Variants in ZC3H3 observed in about 807,000 individuals in gnomAD.
The protein encoded by ZC3H3 is zinc finger CCCH domain-containing protein 3.
Under a neutral mutation model 77.3 loss-of-function variants are expected in ZC3H3, and 36 were observed. The ratio of observed to expected loss-of-function variants is 0.47; its 90% CI spans 0.36 to 0.61. ZC3H3 has a LOEUF of 0.61. Among genes scored for constraint, ZC3H3 ranks in the 20% least tolerant of loss-of-function variants. The probability of loss-of-function intolerance (pLI) is 0.00; values close to 1 mark genes in which losing one functional copy is unlikely to be tolerated. For synonymous variants in ZC3H3, 626 were observed against 555.2 expected (o/e 1.13, Z -1.79); for missense variants, 1,331 against 1,312.2 (o/e 1.01, Z -0.22).
intron 4 of ZC3H3, among the ~76,000 whole-genome samples, chr8:143,502,056 C>T (rs579135): frequency 1.3e-5 from 2 of 152,350 alleles, no homozygotes; most frequent in South Asian, 4.1e-4. Context: ...GCACTCACCA[C>T]GCTCTCCCTG....
rs1166477752 is a variant in ZC3H3 at position 143,462,921 on chromosome 8, A to AGGG, written c.2307+2793_2307+2795dup. ...GTCCTAAACACACCCAGAAGGAACC[A>AGGG]GGGCGCCCTGCAGGAGCAGCTGTCC... On this transcript the variant is annotated intron_variant, in intron 9 of 11. Coordinates refer to ENST00000262577, the MANE Select transcript of ZC3H3 (RefSeq NM_015117.3). This position sits in a 1 kb window ranked among gnomAD's most constrained non-coding sequence, Gnocchi z 4.7. Among the ~76,000 whole-genome samples the AGGG allele has an allele frequency of 3.3e-5, 5 of 151,330 alleles. No individual in the cohort carries two copies. Among genetic ancestry groups the AGGG allele is most frequent in the African/African-American group, 1.2e-4 (5 of 41,148 alleles).
intron 5 of ZC3H3, among the ~76,000 whole-genome samples, chr8:143,469,781 A>G (rs1211388215): frequency 6.6e-6 from 1 of 152,196 alleles, no homozygotes; most frequent in African/African-American, 2.4e-5. Context: ...CGGGGTGGGC[A>G]GGGCAGGACC....
intron 3 of ZC3H3, among the ~76,000 whole-genome samples, 170 bp downstream of exon 3, chr8:143,536,087 G>A (rs1340075736): frequency 6.6e-6 from 1 of 152,202 alleles, no homozygotes; most frequent in Non-Finnish European, 1.5e-5. Context: ...GCAGCATCCG[G>A]GCCCTATCCT....
At chr8:143,439,240 T>C (rs890509798) in intron 11 of ZC3H3, among the ~76,000 whole-genome samples, 1 of 152,026 alleles carries the variant, frequency 6.6e-6, no homozygotes, top group Non-Finnish European at 1.5e-5. Context: ...TCCACGCCCC[T>C]GACGTGGAGG....
At chr8:143,534,905 C>T (rs1256934445) in intron 3 of ZC3H3, among the ~76,000 whole-genome samples, 1 of 152,106 alleles carries the variant, frequency 6.6e-6, no homozygotes, top group Non-Finnish European at 1.5e-5. Flanking sequence ...CAACACCCGG[C>T]TGCATCGCCC....
At chr8:143,440,679 G>A (rs1285516575) in intron 10 of ZC3H3, among the ~76,000 whole-genome samples, 1 of 152,206 alleles carries the variant, frequency 6.6e-6, no homozygotes, top group South Asian at 2.1e-4. Context: ...CTCCCACCCG[G>A]TCCCAGTGAG....
intron 10 of ZC3H3, 56 bp downstream of exon 10, chr8:143,440,880 C>T (rs533961953): frequency 7.4e-6 from 10 of 1,352,424 alleles, no homozygotes; most frequent in African/African-American, 3.0e-5. Flanking sequence ...GGGCATCTCC[C>T]CAGACAGGGA....
Position 143,437,987 on chromosome 8 carries a change from G to A in ZC3H3, c.*69C>T. The A allele has an allele frequency of 6.4e-7, 1 of 1,567,146 alleles. No homozygotes were observed. The highest frequency in any genetic ancestry group is 8.7e-7 in the Non-Finnish European group (1 of 1,154,736). Reference sequence around the variant, plus strand: ...GGGCGGCCCTCCTGTGGGGTAGAGTGGTGGACAGAGCCTCTTTCCTCTCCA... The same window carrying A: ...GGGCGGCCCTCCTGTGGGGTAGAGTAGTGGACAGAGCCTCTTTCCTCTCCA... On this transcript the variant is annotated 3_prime_UTR_variant, in exon 12 of 12. Coordinates refer to ENST00000262577, the MANE Select transcript of ZC3H3 (RefSeq NM_015117.3).
At chr8:143,537,638 C>T (rs1822844828) in intron 2 of ZC3H3, among the ~76,000 whole-genome samples, 1 of 152,108 alleles carries the variant, frequency 6.6e-6, no homozygotes, top group African/African-American at 2.4e-5. Context: ...ACACATGGAC[C>T]CTGGACTGGT....
chr8:143,485,133 G>T (rs950531617), intron 4 of ZC3H3, among the ~76,000 whole-genome samples: 1 of 152,216 alleles, frequency 6.6e-6, no homozygotes, highest in South Asian at 2.1e-4. Flanking sequence ...TCTACAGCAG[G>T]GGCGCCGGGC....
intron 3 of ZC3H3, among the ~76,000 whole-genome samples, chr8:143,526,781 G>A (rs1449276931): frequency 3.3e-5 from 5 of 152,112 alleles, no homozygotes; most frequent in East Asian, 1.9e-4. Flanking sequence ...GGCCACATTC[G>A]TCCCCAGCTG....
At chr8:143,491,076 C>T (rs1821187858) in intron 4 of ZC3H3, among the ~76,000 whole-genome samples, 1 of 152,204 alleles carries the variant, frequency 6.6e-6, no homozygotes, top group African/African-American at 2.4e-5. Flanking sequence ...AATGTCCATG[C>T]TTGCCCCTCC....
intron 9 of ZC3H3, among the ~76,000 whole-genome samples, chr8:143,445,657 C>T (rs1819848149): frequency 1.3e-5 from 2 of 151,646 alleles, no homozygotes; most frequent in South Asian, 2.1e-4. Flanking sequence ...CACAACACTG[C>T]ACTCCAGCCT....
chr8:143,449,665 G>C (rs1370253887), intron 9 of ZC3H3, among the ~76,000 whole-genome samples: 1 of 152,154 alleles, frequency 6.6e-6, no homozygotes, highest in Non-Finnish European at 1.5e-5. Context: ...TTGAACCCAG[G>C]AGGCAGAGGT....
At chr8:143,502,511 A>G (rs1341186917) in intron 4 of ZC3H3, among the ~76,000 whole-genome samples, 1 of 152,230 alleles carries the variant, frequency 6.6e-6, no homozygotes, top group Non-Finnish European at 1.5e-5. Flanking sequence ...CACAGACACA[A>G]ACTAAAATAA....
Position 143,538,022 on chromosome 8 carries a change from G to A in ZC3H3, c.1345C>T (p.Arg449Trp), listed in dbSNP as rs202222406. 8.5e-5 allele frequency: 137 copies of A among 1,607,476 alleles called. No homozygotes were observed. Among genetic ancestry groups the A allele is most frequent in the Non-Finnish European group, 1.1e-4 (130 of 1,176,664 alleles). ...YKVKSRTKII[R>W]RRSSTSLPGD... ...GCCCACCTTGTGCTGCTGCGTCTCC[G>A]GATGATCTTGGTGCGGCTCTTCACT... is the stretch of plus-strand genomic sequence containing the variant. Residue 449 changes from arginine to tryptophan, a missense_variant, in exon 2 of 12, where the codon CGG (arginine) becomes TGG (tryptophan). Transcript: ENST00000262577.
At chr8:143,467,104 G>C (rs1820429670) in intron 8 of ZC3H3, among the ~76,000 whole-genome samples, 2 of 152,206 alleles carry the variant, frequency 1.3e-5, no homozygotes, top group Non-Finnish European at 2.9e-5. Flanking sequence ...GCAGAGGGGA[G>C]AGGGGCTGGG....
At position 143,466,145 on chromosome 8, in the gene ZC3H3, T is replaced by C. The variant is rs143542383; in HGVS notation, c.2176-297A>G. 2.9e-3 allele frequency among the ~76,000 whole-genome samples: 448 copies of C among 152,316 alleles called. 2 individuals carry two copies. The highest frequency in any genetic ancestry group is 0.01 in the African/African-American group (433 of 41,570). ...CCTCCTCTGAGTCCCTCACCTGTTCTGAGCCTGCCCACCGTCCAGGGCAAG... is the reference window on the plus strand; with the variant it reads ...CCTCCTCTGAGTCCCTCACCTGTTCCGAGCCTGCCCACCGTCCAGGGCAAG... On this transcript the variant is annotated intron_variant, in intron 8 of 11. Coordinates refer to ENST00000262577, the MANE Select transcript of ZC3H3 (RefSeq NM_015117.3).
chr8:143,509,628 C>T (rs893533954), intron 3 of ZC3H3, among the ~76,000 whole-genome samples: 21 of 152,234 alleles, frequency 1.4e-4, no homozygotes, highest in Non-Finnish European at 2.9e-5. Context: ...TGCTCTGGGA[C>T]GCAGAGCCTG....
Sources: allele counts gnomAD v4.1 joint callset (sites outside exome capture counted in the v4.1 genomes callset), GRCh38; gene constraint gnomAD v4.1.1; non-coding constraint Gnocchi (gnomAD v3.1); transcripts MANE v1.5; gene names NCBI Gene and HGNC (gene_info 2026-07-23, HGNC 2026-07-21).